DCLK1: variants seen among roughly 807,000 people sequenced by gnomAD.
DCLK1 encodes the protein doublecortin like kinase 1.
DCLK1 carries 16 observed loss-of-function variants against 86.2 expected under a neutral mutation model. That is an observed-to-expected ratio of 0.19 (90% confidence interval 0.13 to 0.28). DCLK1 has a LOEUF of 0.28. Among genes scored for constraint, DCLK1 ranks in the 10% least tolerant of loss-of-function variants. The pLI is 1.00. For missense variants in DCLK1, 590 were observed against 940.2 expected (o/e 0.63, Z 4.87); for synonymous variants, 369 against 370.5 (o/e 1.00, Z 0.05).
chr13:35,923,380 T>C (rs1049981070), intron 4 of DCLK1, among the ~76,000 whole-genome samples: 1 of 151,934 alleles, frequency 6.6e-6, no homozygotes, highest in Non-Finnish European at 1.5e-5. Flanking sequence ...ACTTTCTTTT[T>C]TTTTTTTACC....
chr13:36,059,483 GT>G (rs981578921), intron 3 of DCLK1, among the ~76,000 whole-genome samples: 3 of 152,074 alleles, frequency 2.0e-5, no homozygotes, highest in Non-Finnish European at 4.4e-5. Flanking sequence ...CAAGATCTTT[GT>G]CCCTCCAGAG....
At chr13:35,936,962 C>CTTTTTTTTGTTTTTTTTTTTTTTTTTTT (rs1876787859) in intron 4 of DCLK1, among the ~76,000 whole-genome samples, 1 of 65,712 alleles carries the variant, frequency 1.5e-5, no homozygotes, top group Non-Finnish European at 3.0e-5. Flanking sequence ...GAAAAGTTAG[C>CTTTTTTTTGTTTTTTTTTTTTTTTTTTT]TTTTTTTTTT....
chr13:35,931,625 T>A lies in DCLK1; in HGVS notation c.823+15733A>T, dbSNP rs547264850. Among the ~76,000 whole-genome samples the A allele has an allele frequency of 1.3e-4, 20 of 152,264 alleles. 1 individual carries two copies. In the South Asian group the frequency reaches 4.2e-3, roughly 32 times the overall value. On this transcript the variant is annotated intron_variant, in intron 4 of 16. Transcript: ENST00000360631. ...GCCATTTTAGGGAGGATATTGCTGA[T>A]CAATATCTAGTATTGGATATCAAGA...
At chr13:35,909,584 T>C (rs141451091) in intron 4 of DCLK1, among the ~76,000 whole-genome samples, 2 of 144,586 alleles carry the variant, frequency 1.4e-5, no homozygotes, top group African/African-American at 2.6e-5. Flanking sequence ...TGGTTATTAA[T>C]TGCTGTGTGC....
chr13:35,855,940 G>T, intron 5 of DCLK1: 2 of 812,982 alleles, frequency 2.5e-6, no homozygotes, highest in Non-Finnish European at 3.0e-6. Flanking sequence ...GTGACTACCA[G>T]GTAATCAGGA....
rs114506622 is a variant in DCLK1 at position 36,107,285 on chromosome 13, T to C, written c.723+4584A>G. Reference sequence around the variant, plus strand: ...TGAGTAATTCCTAATGTTTTCCATATTGGGAAAACAATAAATTGTTTGCTC... The same window carrying C: ...TGAGTAATTCCTAATGTTTTCCATACTGGGAAAACAATAAATTGTTTGCTC... On this transcript the variant is annotated intron_variant, in intron 3 of 16. Transcript: ENST00000360631. Among the ~76,000 whole-genome samples the C allele has an allele frequency of 5.0e-3, 757 of 151,856 alleles. 8 individuals carry two copies. The highest frequency in any genetic ancestry group is 0.018 in the African/African-American group (729 of 41,352).
rs1434633271 is a variant in DCLK1 at position 36,046,021 on chromosome 13, TTAAACAAACCCTAA to T, written c.723+65834_723+65847del. Reference sequence around the variant, plus strand: ...GCTTCTATTTTGCAGTGTTGCTTTTTTAAACAAACCCTAAGTTTACAATTAAATGATAAGATTCA... The same window carrying T: ...GCTTCTATTTTGCAGTGTTGCTTTTTGTTTACAATTAAATGATAAGATTCA... On this transcript the variant is annotated intron_variant, in intron 3 of 16. Transcript: ENST00000360631. 5.3e-5 allele frequency among the ~76,000 whole-genome samples: 8 copies of T among 152,284 alleles called. No homozygotes were observed. In the South Asian group the frequency reaches 1.7e-3, roughly 32 times the overall value.
chr13:35,808,949 G>A (rs927131852), intron 13 of DCLK1, 69 bp downstream of exon 13: 45 of 1,383,786 alleles, frequency 3.3e-5, no homozygotes, highest in Non-Finnish European at 4.1e-5. Flanking sequence ...TGTGCAAGAA[G>A]GGCTAATGGA....
At chr13:35,958,267 C>T in intron 3 of DCLK1, among the ~76,000 whole-genome samples, 2 of 92,794 alleles carry the variant, frequency 2.2e-5, no homozygotes, top group East Asian at 3.9e-4. Flanking sequence ...ACTACTATAA[C>T]CATTACCACC....
chr13:35,934,602 T>G (rs973657754), intron 4 of DCLK1, among the ~76,000 whole-genome samples: 1 of 152,138 alleles, frequency 6.6e-6, no homozygotes, highest in Non-Finnish European at 1.5e-5. Context: ...TTGGGGAAAC[T>G]GCACCCACGA....
intron 3 of DCLK1, among the ~76,000 whole-genome samples, chr13:36,037,368 A>G (rs1291636063): frequency 6.6e-6 from 1 of 152,200 alleles, no homozygotes; most frequent in African/African-American, 2.4e-5. Flanking sequence ...AACATATTAC[A>G]TATTTAAAAA....
chr13:35,975,944 T>C (rs1472589951), intron 3 of DCLK1, among the ~76,000 whole-genome samples: 1 of 152,186 alleles, frequency 6.6e-6, no homozygotes, highest in African/African-American at 2.4e-5. Context: ...CCCTGTAATG[T>C]GTCAGGGGAC....
intron 5 of DCLK1, among the ~76,000 whole-genome samples, chr13:35,863,323 T>C (rs1280697733): frequency 6.6e-6 from 1 of 152,200 alleles, no homozygotes; most frequent in Non-Finnish European, 1.5e-5. Context: ...CTTTGCACCC[T>C]TGGGACCTAA....
chr13:36,050,699 G>C (rs1278781467), intron 3 of DCLK1, among the ~76,000 whole-genome samples: 1 of 152,140 alleles, frequency 6.6e-6, no homozygotes, highest in East Asian at 1.9e-4. Flanking sequence ...TGAGGTTCAA[G>C]TTCTCCTTCA....
intron 3 of DCLK1, among the ~76,000 whole-genome samples, chr13:36,022,060 G>A (rs1187945633): frequency 6.6e-6 from 1 of 151,674 alleles, no homozygotes; most frequent in Non-Finnish European, 1.5e-5. Context: ...ATAAAAGGGT[G>A]GAAATCATAC....
chr13:35,808,235 C>T lies in DCLK1; in HGVS notation c.1852G>A (p.Asp618Asn), dbSNP rs575565299. ...FPSPYWDNVSDSAKELITMML... is the reference protein window; with the variant it reads ...FPSPYWDNVSNSAKELITMML... The stretch of plus-strand genomic sequence containing the variant: ...CACTGGACACCTACCTTTGCAGAAT[C>T]GGAAACATTATCCCAGTATGGAGAA... Residue 618 changes from aspartate (D) to asparagine (N), a missense_variant, in exon 14 of 17, where the codon GAT becomes AAT. Coordinates refer to ENST00000360631, the MANE Select transcript of DCLK1 (RefSeq NM_001330071.2). The T allele has an allele frequency of 1.4e-5, 23 of 1,613,978 alleles. No homozygotes were observed. The Middle Eastern group carries it at 6.6e-4, about 46-fold the overall frequency.
At chr13:35,881,504 T>C (rs944618366) in intron 4 of DCLK1, among the ~76,000 whole-genome samples, 2 of 152,206 alleles carry the variant, frequency 1.3e-5, no homozygotes, top group Admixed American at 6.5e-5. Flanking sequence ...TGATGTTGGC[T>C]GACTCCTTGC....
At chr13:36,060,083 C>G (rs1883485467) in intron 3 of DCLK1, among the ~76,000 whole-genome samples, 1 of 151,938 alleles carries the variant, frequency 6.6e-6, no homozygotes, top group Non-Finnish European at 1.5e-5. Context: ...GTTGGCCAGG[C>G]TGGTCTTGAA....
chr13:36,116,993 G>A (rs1206505912), intron 2 of DCLK1, among the ~76,000 whole-genome samples: 1 of 152,116 alleles, frequency 6.6e-6, no homozygotes, highest in East Asian at 1.9e-4. Context: ...AGCTATTAAA[G>A]GCAAGAAAAA....
Sources: allele counts gnomAD v4.1 joint callset (sites outside exome capture counted in the v4.1 genomes callset), GRCh38; gene constraint gnomAD v4.1.1; transcripts MANE v1.5; gene names NCBI Gene and HGNC (gene_info 2026-07-23, HGNC 2026-07-21).